APLF: variants seen among roughly 807,000 people sequenced by gnomAD.
The protein encoded by APLF is aprataxin and PNKP like factor, also known as aprataxin and PNK-like factor.
Under a neutral mutation model 55.6 loss-of-function variants are expected in APLF, and 61 were observed. That is an observed-to-expected ratio of 1.10 (90% CI 0.89 to 1.36). APLF has a LOEUF of 1.36. Ranked by LOEUF, APLF falls within the 40% of genes most tolerant of loss-of-function variation. The pLI is 0.00. For missense variants in APLF, 611 were observed against 602.5 expected (o/e 1.01, Z -0.15); for synonymous variants, 207 against 214.8 (o/e 0.96, Z 0.32).
At chr2:68,481,373 T>TTTTGC (rs1675951578) in intron 1 of APLF, among the ~76,000 whole-genome samples, 1 of 151,664 alleles carries the variant, frequency 6.6e-6, no homozygotes, top group Non-Finnish European at 1.5e-5. Context: ...TTTTGTTTTG[T>TTTTGC]TTTGTTTTGT....
At chr2:68,574,407 C>A (rs1404182246) in intron 9 of APLF, among the ~76,000 whole-genome samples, 1 of 152,148 alleles carries the variant, frequency 6.6e-6, no homozygotes, top group East Asian at 1.9e-4. Flanking sequence ...GCATTTATAA[C>A]CCTGTTATGA....
chr2:68,497,374 T>A (rs1340551729), intron 2 of APLF, among the ~76,000 whole-genome samples: 1 of 151,958 alleles, frequency 6.6e-6, no homozygotes, highest in Non-Finnish European at 1.5e-5. Context: ...GTATTGGATT[T>A]CCCCCTTGCT....
intron 5 of APLF, among the ~76,000 whole-genome samples, chr2:68,519,213 T>G (rs1669815482): frequency 7.1e-6 from 1 of 140,264 alleles, no homozygotes; most frequent in East Asian, 2.0e-4. Context: ...ATATATATTA[T>G]CTATATTTAT....
At chr2:68,501,623 G>GT (rs1169798469) in intron 2 of APLF, among the ~76,000 whole-genome samples, 4 of 152,042 alleles carry the variant, frequency 2.6e-5, no homozygotes, top group Non-Finnish European at 5.9e-5. Context: ...AGCAACTCTT[G>GT]TTATCTTTGC....
At chr2:68,504,356 C>T (rs999168789) in intron 3 of APLF, among the ~76,000 whole-genome samples, 2 of 151,488 alleles carry the variant, frequency 1.3e-5, no homozygotes, top group Non-Finnish European at 3.0e-5. Flanking sequence ...TACAAAAAAC[C>T]CTCAAAACTA....
At chr2:68,522,029 T>C (rs914748338) in intron 5 of APLF, among the ~76,000 whole-genome samples, 1 of 151,944 alleles carries the variant, frequency 6.6e-6, no homozygotes, top group Non-Finnish European at 1.5e-5. Context: ...ATGTTATCTA[T>C]AGAATTAGGA....
intron 1 of APLF, among the ~76,000 whole-genome samples, chr2:68,478,039 A>AT (rs1225188824): frequency 2.0e-5 from 3 of 151,898 alleles, no homozygotes; most frequent in Non-Finnish European, 4.4e-5. Flanking sequence ...TGAGTCTTGT[A>AT]TTTTTTTATT....
intron 9 of APLF, among the ~76,000 whole-genome samples, chr2:68,576,336 A>G (rs994852028): frequency 6.6e-6 from 1 of 152,142 alleles, no homozygotes; most frequent in Non-Finnish European, 1.5e-5. Flanking sequence ...AATATGGGTA[A>G]CTGAGATTAG....
intron 7 of APLF, among the ~76,000 whole-genome samples, chr2:68,541,336 T>C (rs1670541870): frequency 6.6e-6 from 1 of 151,994 alleles, no homozygotes; most frequent in Non-Finnish European, 1.5e-5. Flanking sequence ...TTAAATATAA[T>C]ATTAGAAGGG....
intron 7 of APLF, among the ~76,000 whole-genome samples, chr2:68,542,037 G>A (rs1670567564): frequency 6.6e-6 from 1 of 152,078 alleles, no homozygotes; most frequent in Non-Finnish European, 1.5e-5. Context: ...AAATCAAAGA[G>A]GAAAGGACAG....
At chr2:68,500,842 C>T (rs984841834) in intron 2 of APLF, among the ~76,000 whole-genome samples, 16 of 152,174 alleles carry the variant, frequency 1.1e-4, no homozygotes, top group Admixed American at 4.6e-4. Context: ...GACACAAGCT[C>T]AGAGCCTGTC....
At position 68,467,788 on chromosome 2, in the gene APLF, G is replaced by A. The variant is rs768448742; in HGVS notation, c.57G>A (p.Ala19=). ...PRDGGPRVAL[A]PGETVIGRGP... ...ACGGCGGTCCCCGGGTGGCCCTGGCGCCCGGGGAGACGGTGATCGGCCGCG... is the reference window on the plus strand; with the variant it reads ...ACGGCGGTCCCCGGGTGGCCCTGGCACCCGGGGAGACGGTGATCGGCCGCG... Residue 19 remains alanine (A), a synonymous_variant, in exon 1 of 10, where the codon GCG becomes GCA. Coordinates refer to ENST00000303795, the MANE Select transcript of APLF (RefSeq NM_173545.3). 5.7e-6 allele frequency: 7 copies of A among 1,234,144 alleles called. No individual in the cohort carries two copies. Among genetic ancestry groups the A allele is most frequent in the South Asian group, 8.2e-5 (2 of 24,418 alleles). The allele number at this position is 1,234,144 out of a possible 1,614,324, so 76.4% of individuals were successfully genotyped here. A position where few individuals can be genotyped will look rare whatever the true frequency, so the allele number is the denominator to read the frequency against.
Position 68,529,545 on chromosome 2 carries a change from G to T in APLF, c.804+3303G>T, listed in dbSNP as rs1275346654. On this transcript the variant is annotated intron_variant, in intron 6 of 9. Coordinates refer to ENST00000303795, the MANE Select transcript of APLF (RefSeq NM_173545.3). The surrounding 1 kb of genome is among the most constrained non-coding windows in gnomAD (Gnocchi z 4.4). ...TAAGTCACCCACTTCTCTGTGGCTG[G>T]GTGCACACTGGGCATCTGGGAGTTT... 4.1e-5 allele frequency: 34 copies of T among 833,400 alleles called. No individual in the cohort carries two copies. The highest frequency in any genetic ancestry group is 5.5e-5 in the African/African-American group (3 of 54,194). 51.6% of individuals were successfully genotyped at this position (833,400 alleles called of 1,614,324 possible).
In APLF at chr2:68,529,207, G is replaced by T. The variant is rs1308492769; in HGVS notation, c.804+2965G>T. 2 of 1,247,758 alleles carry T rather than the reference G, an allele frequency of 1.6e-6. No individual in the cohort carries two copies. Among genetic ancestry groups the T allele is most frequent in the South Asian group, 3.0e-5 (2 of 66,292 alleles). 77.3% of individuals were successfully genotyped at this position (1,247,758 alleles called of 1,614,324 possible). On this transcript the variant is annotated intron_variant, in intron 6 of 9. Coordinates refer to ENST00000303795, the MANE Select transcript of APLF (RefSeq NM_173545.3). The surrounding 1 kb of genome is among the most constrained non-coding windows in gnomAD (Gnocchi z 4.4). ...CAGGAGGCAGGACCCTCTGTGGGGTGCCCGTGTTCCAAGGGATAAGACACA... is the reference window on the plus strand; with the variant it reads ...CAGGAGGCAGGACCCTCTGTGGGGTTCCCGTGTTCCAAGGGATAAGACACA...
chr2:68,482,689 A>T (rs987124816), intron 1 of APLF, among the ~76,000 whole-genome samples: 2 of 152,118 alleles, frequency 1.3e-5, no homozygotes, highest in African/African-American at 4.8e-5. Flanking sequence ...TTATCCAGCT[A>T]GGAGTGCAGG....
At position 68,503,058 on chromosome 2, in the gene APLF, ATGTG is replaced by A. The variant is rs1291499007; in HGVS notation, c.341+163_341+166del. ...CGCATGTGTGTGTGCATGCCTTTGCATGTGTGTGTGTTTTGTGCACATGCATGTG... is the reference window on the plus strand; with the variant it reads ...CGCATGTGTGTGTGCATGCCTTTGCATGTGTGTTTTGTGCACATGCATGTG... On this transcript the variant is annotated intron_variant, in intron 3 of 9. Coordinates refer to ENST00000303795, the MANE Select transcript of APLF (RefSeq NM_173545.3). Among the ~76,000 whole-genome samples, 32 of 152,162 alleles carry A rather than the reference ATGTG, an allele frequency of 2.1e-4. 1 individual carries two copies.
chr2:68,508,796 C>T (rs1676953297), intron 3 of APLF, among the ~76,000 whole-genome samples: 1 of 152,096 alleles, frequency 6.6e-6, no homozygotes, highest in African/African-American at 2.4e-5. Flanking sequence ...AAGCTGGAGG[C>T]ATCACTCTAC....
In APLF at chr2:68,467,762, G is replaced by T; in HGVS notation, c.31G>T (p.Asp11Tyr). Residue 11 changes from aspartate to tyrosine, a missense_variant, in exon 1 of 10, where the codon GAC becomes TAC. Physicochemically the swap from Asp to Tyr is radical, Grantham distance 160. Transcript: ENST00000303795. MSGGFELQPR[D>Y]GGPRVALAPG... ...CGGGGGCTTCGAGCTGCAGCCGCGG[G>T]ACGGCGGTCCCCGGGTGGCCCTGGC... 7.3e-6 allele frequency: 9 copies of T among 1,234,728 alleles called. No individual in the cohort carries two copies. The highest frequency in any genetic ancestry group is 9.1e-6 in the Non-Finnish European group (9 of 988,068). The allele number at this position is 1,234,728 out of a possible 1,614,324, so 76.5% of individuals were successfully genotyped here.
intron 7 of APLF, among the ~76,000 whole-genome samples, chr2:68,544,846 T>C (rs1670655237): frequency 6.6e-6 from 1 of 152,196 alleles, no homozygotes; most frequent in African/African-American, 2.4e-5. Context: ...TATTAAAAGT[T>C]TTGAAAAGCT....
Sources: gnomAD v4.1 joint callset for allele counts (sites outside exome capture counted in the v4.1 genomes callset) on GRCh38, gnomAD v4.1.1 for gene constraint, Gnocchi (gnomAD v3.1) non-coding constraint, MANE v1.5 for transcripts, NCBI Gene and HGNC (gene_info 2026-07-23, HGNC 2026-07-21) for gene names.